The following EYA2 variants were observed in gnomAD, a reference collection of about 807,000 sequenced individuals.
The protein encoded by EYA2 is protein phosphatase EYA2.
In EYA2, 31 loss-of-function variants were observed where a neutral mutation model predicts 69.2. That is an observed-to-expected ratio of 0.45 (90% confidence interval 0.34 to 0.60). The LOEUF (loss-of-function observed/expected upper bound fraction) is 0.60, where lower values mean the gene tolerates loss of function less well. EYA2 is among the 20% of genes least tolerant of loss of function. The pLI is 0.02. For synonymous variants in EYA2, 257 were observed against 279.4 expected, an observed-to-expected ratio of 0.92 and a Z score of 0.80; for missense variants, 622 against 701.2, an observed-to-expected ratio of 0.89 and a Z score of 1.28.
At position 47,074,255 on chromosome 20, in the gene EYA2, C is replaced by T. The variant is rs779848203; in HGVS notation, c.581C>T (p.Pro194Leu). Reference sequence around the variant, plus strand: ...TACGTCCCGGCCAGCAGCATCTGCCCTTCGCCCCTCTCCACGTCCACCTAC... The same window carrying T: ...TACGTCCCGGCCAGCAGCATCTGCCTTTCGCCCCTCTCCACGTCCACCTAC... ...PPYVPASSIC[P>L]SPLSTSTYVL... is the part of the protein sequence containing the mutation. The change falls in exon 7 of 16, where the codon CCT becomes CTT. Residue 194 changes from proline (P) to leucine (L), a missense_variant. Coordinates refer to ENST00000327619, the MANE Select transcript of EYA2 (RefSeq NM_005244.5). 2 of 1,614,178 alleles carry T rather than the reference C, an allele frequency of 1.2e-6. No homozygotes were observed. Among genetic ancestry groups the T allele is most frequent in the East Asian group, 2.2e-5 (1 of 44,868 alleles).
intron 11 of EYA2, 109 bp downstream of exon 11, chr20:47,169,306 A>T (rs3091593): frequency 0.53 from 569,978 of 1,075,350 alleles, 153,505 homozygotes; most frequent in African/African-American, 0.76. Context: ...AAGGACAAGG[A>T]GTGCCTGCCT....
intron 1 of EYA2, among the ~76,000 whole-genome samples, chr20:46,918,560 G>A (rs909365952): frequency 1.1e-4 from 16 of 152,044 alleles, no homozygotes; most frequent in Non-Finnish European, 2.2e-4. Context: ...ATCCACCTTG[G>A]CCTCCCAAAG....
chr20:47,110,517 C>T (rs1934839), intron 9 of EYA2, among the ~76,000 whole-genome samples: 19,228 of 152,118 alleles, frequency 0.13, 2,498 homozygotes, highest in African/African-American at 0.31. Context: ...CCACCATGTC[C>T]GGCCGCTCCA....
rs373439432 is a variant in EYA2, at chr20:46,959,447, G to C, written c.-10-30554G>C. Among the ~76,000 whole-genome samples, 20 of 152,300 alleles carry C rather than the reference G, an allele frequency of 1.3e-4. No individual in the cohort carries two copies. In the East Asian group the frequency reaches 3.9e-3, roughly 29 times the overall value. ...CAAAAAGGTTTCCAGACATTGCCAA[G>C]TGTTCTCTGTGGCAGGGGTGTGGAG... On this transcript the variant is annotated intron_variant, in intron 1 of 15. Coordinates refer to ENST00000327619, the MANE Select transcript of EYA2 (RefSeq NM_005244.5).
chr20:46,976,665 G>A lies in EYA2; in HGVS notation c.-10-13336G>A, dbSNP rs185167882. ...CTCCCAAAGTGTTGGGATTACAGGC[G>A]TGAGCCACCATGCCCGGACCCTAAG... is the stretch of plus-strand genomic sequence containing the variant. On this transcript the variant is annotated intron_variant, in intron 1 of 15. Transcript: ENST00000327619. 6.0e-3 allele frequency among the ~76,000 whole-genome samples: 911 copies of A among 152,314 alleles called. 15 individuals are homozygous for A. The highest frequency in any genetic ancestry group is 0.021 in the African/African-American group (853 of 41,574).
At chr20:46,940,782 T>C (rs1600564157) in intron 1 of EYA2, among the ~76,000 whole-genome samples, 1 of 152,306 alleles carries the variant, frequency 6.6e-6, no homozygotes. Context: ...GCCAGCTGTC[T>C]CCTGCTGACC....
chr20:47,087,905 A>G (rs779553268), intron 7 of EYA2, among the ~76,000 whole-genome samples: 134 of 152,344 alleles, frequency 8.8e-4, no homozygotes, highest in Non-Finnish European at 1.5e-3. Flanking sequence ...GACAGCTCTC[A>G]GCAGGTAAAG....
intron 1 of EYA2, among the ~76,000 whole-genome samples, chr20:46,969,789 C>T (rs2146298194): frequency 6.6e-6 from 1 of 152,260 alleles, no homozygotes; most frequent in African/African-American, 2.4e-5. Flanking sequence ...GGATGTTAAA[C>T]CTGGGCAAGG....
At chr20:47,175,157 C>T (rs1017418364) in intron 12 of EYA2, among the ~76,000 whole-genome samples, 1 of 152,212 alleles carries the variant, frequency 6.6e-6, no homozygotes, top group Non-Finnish European at 1.5e-5. Flanking sequence ...AGCGGCATGC[C>T]GGTCTCCTTC....
chr20:47,025,324 G>GT (rs1439637874), intron 5 of EYA2, among the ~76,000 whole-genome samples: 1 of 152,116 alleles, frequency 6.6e-6, no homozygotes, highest in East Asian at 1.9e-4. Flanking sequence ...TCTGATTTTA[G>GT]TGCACAGGTT....
At chr20:47,149,688 C>CAAAAAAAAAAA (rs59780173) in intron 10 of EYA2, among the ~76,000 whole-genome samples, 2 of 102,696 alleles carry the variant, frequency 1.9e-5, no homozygotes, top group African/African-American at 7.4e-5. Context: ...ACTAAAAATA[C>CAAAAAAAAAAA]AAAAAAAAAA....
intron 3 of EYA2, among the ~76,000 whole-genome samples, chr20:47,003,450 G>A (rs150403194): frequency 7.9e-5 from 12 of 152,338 alleles, no homozygotes; most frequent in Admixed American, 2.6e-4. Flanking sequence ...AGAGGTGGCT[G>A]CTGCTCAAAT....
chr20:46,951,562 A>G (rs1471273798), intron 1 of EYA2, among the ~76,000 whole-genome samples: 1 of 152,208 alleles, frequency 6.6e-6, no homozygotes. Flanking sequence ...CAAAGTTCCC[A>G]CAACAGCCCT....
chr20:47,119,199 C>A (rs1337522312), intron 9 of EYA2, among the ~76,000 whole-genome samples: 1 of 152,220 alleles, frequency 6.6e-6, no homozygotes, highest in Non-Finnish European at 1.5e-5. Flanking sequence ...CCAAAGATTG[C>A]TGGTGATGAG....
At chr20:46,974,719 G>T (rs1339752625) in intron 1 of EYA2, among the ~76,000 whole-genome samples, 1 of 149,662 alleles carries the variant, frequency 6.7e-6, no homozygotes, top group Non-Finnish European at 1.5e-5. Flanking sequence ...GTGGTTGTGG[G>T]TTGGGGTGTG....
Position 47,029,077 on chromosome 20 carries a change from C to T in EYA2, c.415+12780C>T, listed in dbSNP as rs146619242. 2.8e-3 allele frequency among the ~76,000 whole-genome samples: 433 copies of T among 152,326 alleles called. 5 individuals are homozygous for T. Among genetic ancestry groups the T allele is most frequent in the African/African-American group, 9.7e-3 (405 of 41,562 alleles). ...GTACAGATTGGATTCAGCCCACAGG[C>T]TGCCATTTTGCTAACTGTGTTCTCT... On this transcript the variant is annotated intron_variant, in intron 5 of 15. Transcript: ENST00000327619.
intron 9 of EYA2, among the ~76,000 whole-genome samples, chr20:47,111,184 G>C (rs6094595): frequency 6.6e-6 from 1 of 151,970 alleles, no homozygotes; most frequent in African/African-American, 2.4e-5. Context: ...AGTGAAATTG[G>C]TAAAATACCT....
At chr20:47,108,402 C>T (rs2032652025) in intron 9 of EYA2, among the ~76,000 whole-genome samples, 1 of 152,148 alleles carries the variant, frequency 6.6e-6, no homozygotes, top group African/African-American at 2.4e-5. Flanking sequence ...TGGAAGCAGC[C>T]TGAGGCCTCA....
chr20:46,998,928 T>C (rs1172268642), intron 2 of EYA2, among the ~76,000 whole-genome samples: 1 of 152,020 alleles, frequency 6.6e-6, no homozygotes, highest in Non-Finnish European at 1.5e-5. Flanking sequence ...CTTCCTGAGG[T>C]TGCTGGGGTG....
Sources: gnomAD v4.1 joint callset for allele counts (sites outside exome capture counted in the v4.1 genomes callset) on GRCh38, gnomAD v4.1.1 for gene constraint, MANE v1.5 for transcripts, NCBI Gene and HGNC (gene_info 2026-07-23, HGNC 2026-07-21) for gene names.